EPHA3: variants seen among roughly 807,000 people sequenced by gnomAD.
The protein encoded by EPHA3 is ephrin type-A receptor 3.
A neutral mutation model predicts 107.1 loss-of-function variants in EPHA3; 42 were observed. The observed-to-expected ratio is 0.39, with a 90% CI of 0.31 to 0.51. The LOEUF (loss-of-function observed/expected upper bound fraction) is 0.51. EPHA3 is among the 20% of genes least tolerant of loss of function. The pLI, the probability that EPHA3 is intolerant of heterozygous loss-of-function variation, is 0.78. For synonymous variants in EPHA3, 461 were observed against 424.8 expected, an observed-to-expected ratio of 1.09 and a Z score of -1.05; for missense variants, 1,183 against 1,211.2, an observed-to-expected ratio of 0.98 and a Z score of 0.35.
chr3:89,310,570 C>T (rs1398210026), intron 3 of EPHA3, among the ~76,000 whole-genome samples: 1 of 151,760 alleles, frequency 6.6e-6, no homozygotes, highest in East Asian at 1.9e-4. Context: ...AAATACCTTA[C>T]CTATTCACCT....
intron 1 of EPHA3, among the ~76,000 whole-genome samples, chr3:89,126,088 A>G (rs1490862771): frequency 6.6e-6 from 1 of 151,694 alleles, no homozygotes; most frequent in Non-Finnish European, 1.5e-5. Context: ...ACATGAGAAC[A>G]TGTTGTGCGG....
intron 3 of EPHA3, among the ~76,000 whole-genome samples, chr3:89,233,915 T>G (rs1704692970): frequency 1.3e-5 from 2 of 152,220 alleles, no homozygotes; most frequent in Admixed American, 1.3e-4. Context: ...TGACTGAGAT[T>G]TTTCTATTCT....
chr3:89,450,921 A>C (rs1709974150), intron 15 of EPHA3, among the ~76,000 whole-genome samples: 1 of 152,106 alleles, frequency 6.6e-6, no homozygotes, highest in Non-Finnish European at 1.5e-5. Flanking sequence ...AAATAAATAT[A>C]CTGAACACAT....
rs1461026640 is a variant in EPHA3, at chr3:89,362,513, C to T, written c.1306+20423C>T. On this transcript the variant is annotated intron_variant, in intron 5 of 16. Coordinates refer to ENST00000336596, the MANE Select transcript of EPHA3 (RefSeq NM_005233.6). ...AATGCAGTCACCTGCACACAGCCTACACTTTTTTTAGTCACAAAGGCTGCA... is the reference window on the plus strand; with the variant it reads ...AATGCAGTCACCTGCACACAGCCTATACTTTTTTTAGTCACAAAGGCTGCA... Among the ~76,000 whole-genome samples, 3 of 151,230 alleles carry T rather than the reference C, an allele frequency of 2.0e-5. No individual in the cohort carries two copies. In the East Asian group the frequency reaches 5.8e-4, roughly 29 times the overall value.
intron 11 of EPHA3, among the ~76,000 whole-genome samples, chr3:89,422,828 G>T (rs1263622642): frequency 6.6e-6 from 1 of 151,364 alleles, no homozygotes; most frequent in Non-Finnish European, 1.5e-5. Flanking sequence ...TTTTCTTAAA[G>T]CTTTTTATTC....
chr3:89,119,998 G>A (rs1707341162), intron 1 of EPHA3, among the ~76,000 whole-genome samples: 2 of 152,196 alleles, frequency 1.3e-5, no homozygotes, highest in South Asian at 2.1e-4. Context: ...AACTCTGGCT[G>A]AACAGATAGC....
At chr3:89,117,412 C>T (rs920321691) in intron 1 of EPHA3, among the ~76,000 whole-genome samples, 3 of 151,992 alleles carry the variant, frequency 2.0e-5, no homozygotes, top group Non-Finnish European at 4.4e-5. Flanking sequence ...TTTTCAAACG[C>T]AATTTAGCAA....
intron 3 of EPHA3, among the ~76,000 whole-genome samples, chr3:89,240,576 C>A (rs1704872032): frequency 6.6e-6 from 1 of 151,880 alleles, no homozygotes; most frequent in African/African-American, 2.4e-5. Flanking sequence ...ATATCTATCA[C>A]AAAACTAATA....
chr3:89,242,750 C>A (rs1240087948), intron 3 of EPHA3, among the ~76,000 whole-genome samples: 1 of 140,254 alleles, frequency 7.1e-6, no homozygotes, highest in African/African-American at 2.7e-5. Flanking sequence ...TATTTTCTTT[C>A]TTTCTTTTAT....
chr3:89,429,171 A>G lies in EPHA3; in HGVS notation c.2136+4A>G. On this transcript the variant is annotated splice_donor_region_variant and intron_variant, in intron 12 of 16. Coordinates refer to ENST00000336596, the MANE Select transcript of EPHA3 (RefSeq NM_005233.6). ...TTCCTTGGATAGTTTCCTACGTGTAAGTAAGATGCACACACATACATATAT... is the reference window on the plus strand; with the variant it reads ...TTCCTTGGATAGTTTCCTACGTGTAGGTAAGATGCACACACATACATATAT... The G allele has an allele frequency of 6.2e-7, 1 of 1,606,488 alleles. No homozygotes were observed. Among genetic ancestry groups the G allele is most frequent in the Non-Finnish European group, 8.5e-7 (1 of 1,173,922 alleles).
intron 11 of EPHA3, among the ~76,000 whole-genome samples, chr3:89,426,238 G>T (rs188392984): frequency 6.6e-6 from 1 of 151,674 alleles, no homozygotes; most frequent in African/African-American, 2.4e-5. Context: ...GGCATAATGC[G>T]CAGATGAGCT....
At chr3:89,372,413 A>G (rs1708325528) in intron 5 of EPHA3, among the ~76,000 whole-genome samples, 2 of 151,616 alleles carry the variant, frequency 1.3e-5, no homozygotes. Flanking sequence ...ATTTTTAAAA[A>G]CACAGCAGCT....
At chr3:89,232,382 G>A (rs966930922) in intron 3 of EPHA3, among the ~76,000 whole-genome samples, 3 of 152,084 alleles carry the variant, frequency 2.0e-5, no homozygotes, top group African/African-American at 4.8e-5. Flanking sequence ...AGGTCTTAAG[G>A]TGTGTCTTGT....
In EPHA3 at chr3:89,452,894, ATAAGT is replaced by A. The variant is rs1265471032; in HGVS notation, c.2690+2530_2690+2534del. On this transcript the variant is annotated intron_variant, in intron 15 of 16. Transcript: ENST00000336596. ...TACCTGTTTTTTACATAATAGTTTA[ATAAGT>A]TAAGTAGGAGAATCATAAACAAGAT... 2.0e-5 allele frequency among the ~76,000 whole-genome samples: 3 copies of A among 152,280 alleles called. No individual in the cohort carries two copies. In the East Asian group the frequency reaches 5.8e-4, roughly 29 times the overall value.
At chr3:89,202,674 C>T (rs1157438369) in intron 2 of EPHA3, among the ~76,000 whole-genome samples, 4 of 151,248 alleles carry the variant, frequency 2.6e-5, no homozygotes, top group African/African-American at 7.3e-5. Context: ...ATTATAAGGG[C>T]GTTTTCAAAA....
chr3:89,397,284 T>A (rs1708868803), intron 6 of EPHA3, among the ~76,000 whole-genome samples: 1 of 152,186 alleles, frequency 6.6e-6, no homozygotes, highest in African/African-American at 2.4e-5. Flanking sequence ...TAGCTTTGAG[T>A]CCTCTACTGT....
intron 5 of EPHA3, among the ~76,000 whole-genome samples, chr3:89,387,563 T>A (rs1198675835): frequency 6.6e-6 from 1 of 152,150 alleles, no homozygotes; most frequent in Non-Finnish European, 1.5e-5. Flanking sequence ...TATAACCTCT[T>A]TCACACTGAA....
intron 3 of EPHA3, among the ~76,000 whole-genome samples, chr3:89,258,015 C>T (rs1457716631): frequency 6.6e-6 from 1 of 152,176 alleles, no homozygotes. Context: ...TTAATGAACA[C>T]TAACCTATTC....
chr3:89,150,436 T>C (rs1704666846), intron 2 of EPHA3, among the ~76,000 whole-genome samples: 1 of 152,050 alleles, frequency 6.6e-6, no homozygotes, highest in African/African-American at 2.4e-5. Context: ...GAAAAAAAGA[T>C]AAATTTAAAA....
Sources: allele counts gnomAD v4.1 joint callset (sites outside exome capture counted in the v4.1 genomes callset), GRCh38; gene constraint gnomAD v4.1.1; transcripts MANE v1.5; gene names NCBI Gene and HGNC (gene_info 2026-07-23, HGNC 2026-07-21).